The following GLIPR1 variants were observed in gnomAD, a reference collection of about 807,000 sequenced individuals.
GLIPR1 encodes GLI pathogenesis related 1, also known as glioma pathogenesis-related protein 1.
In GLIPR1, 38 loss-of-function variants were observed where a neutral mutation model predicts 30.3. The observed-to-expected ratio is 1.26, with a 90% CI of 0.97 to 1.65. The LOEUF (loss-of-function observed/expected upper bound fraction) is 1.65, where lower values mean the gene tolerates loss of function less well. Ranked by LOEUF, GLIPR1 falls within the 40% of genes most tolerant of loss-of-function variation. The pLI is 0.00. For missense variants in GLIPR1, 285 were observed against 326.5 expected, an observed-to-expected ratio of 0.87 and a Z score of 0.98; for synonymous variants, 122 against 110.6, an observed-to-expected ratio of 1.10 and a Z score of -0.65.
intron 2 of GLIPR1, among the ~76,000 whole-genome samples, chr12:75,485,802 G>A (rs897011861): frequency 6.6e-6 from 1 of 152,014 alleles, no homozygotes; most frequent in Non-Finnish European, 1.5e-5. Flanking sequence ...CGCCCGCCTC[G>A]GCCAGCTTTA....
chr12:75,492,786 T>A (rs1290092485), intron 3 of GLIPR1: 1 of 152,228 alleles, frequency 6.6e-6, no homozygotes, highest in African/African-American at 2.4e-5. Context: ...TCTGTCTTTA[T>A]GAGAGTAATA....
intron 3 of GLIPR1, chr12:75,491,011 C>T (rs573561438): frequency 6.6e-6 from 1 of 152,372 alleles, no homozygotes; most frequent in Non-Finnish European, 1.5e-5. Flanking sequence ...AGGGCAAACA[C>T]CTTCCTCCTA....
intron 2 of GLIPR1, among the ~76,000 whole-genome samples, chr12:75,486,159 C>T (rs2046293173): frequency 6.6e-6 from 1 of 152,032 alleles, no homozygotes; most frequent in South Asian, 2.1e-4. Context: ...AATCTTTTAC[C>T]TACAAAAGGA....
chr12:75,487,371 G>A (rs2046298117), intron 2 of GLIPR1, among the ~76,000 whole-genome samples: 1 of 152,190 alleles, frequency 6.6e-6, no homozygotes, highest in South Asian at 2.1e-4. Flanking sequence ...AAACAAAACT[G>A]ATTAGAAAGT....
At chr12:75,489,845 C>A (rs542982817) in intron 2 of GLIPR1, 1 of 152,602 alleles carries the variant, frequency 6.6e-6, no homozygotes, top group Non-Finnish European at 1.5e-5. Context: ...AAGAACATAG[C>A]ACTCACAAGA....
chr12:75,482,136 T>C (rs2046274250), intron 2 of GLIPR1, 57 bp downstream of exon 2: 48 of 1,486,082 alleles, frequency 3.2e-5, no homozygotes, highest in Non-Finnish European at 4.4e-5. Flanking sequence ...AGGAGAAAAA[T>C]TGTACTATGA....
intron 3 of GLIPR1, chr12:75,491,838 T>G (rs991573015): frequency 6.6e-6 from 1 of 152,200 alleles, no homozygotes; most frequent in Non-Finnish European, 1.5e-5. Flanking sequence ...GCAATATATA[T>G]AATGATCTTT....
Position 75,500,976 on chromosome 12 carries a change from T to G in GLIPR1, c.*1998T>G, listed in dbSNP as rs2120594474. ...ATAGAATGTAGTATTTTTAAAGCTA[T>G]TAACAAGCAATATATTAAAATAATA... is the stretch of plus-strand genomic sequence containing the variant. On this transcript the variant is annotated 3_prime_UTR_variant, in exon 6 of 6. Transcript: ENST00000266659. The G allele has an allele frequency of 6.6e-6, 1 of 152,208 alleles. No homozygotes were observed. Among genetic ancestry groups the G allele is most frequent in the East Asian group, 1.9e-4 (1 of 5,182 alleles). The allele number at this position is 152,208 out of a possible 1,614,324, so 9.4% of individuals were successfully genotyped here.
In GLIPR1 at chr12:75,482,008, T is replaced by C; in HGVS notation, c.349T>C (p.Trp117Arg). The change falls in exon 2 of 6, where the codon TGG (tryptophan) becomes CGG (arginine). Residue 117 changes from tryptophan (W) to arginine (R), a missense_variant. Transcript: ENST00000266659. Reference sequence around the variant, plus strand: ...TTCTGTGTCTTCCGCCATCACAAACTGGTATGACGAAATCCAGGACTATGA... The same window carrying C: ...TTCTGTGTCTTCCGCCATCACAAACCGGTATGACGAAATCCAGGACTATGA... Reference protein sequence around the residue: ...IFSVSSAITNWYDEIQDYDFK... With the variant: ...IFSVSSAITNRYDEIQDYDFK... 3 of 1,614,048 alleles carry C rather than the reference T, an allele frequency of 1.9e-6. No homozygotes were observed. Among genetic ancestry groups the C allele is most frequent in the Non-Finnish European group, 2.5e-6 (3 of 1,179,958 alleles).
intron 2 of GLIPR1, among the ~76,000 whole-genome samples, chr12:75,485,949 G>A (rs988905567): frequency 7.9e-5 from 12 of 152,224 alleles, no homozygotes; most frequent in Middle Eastern, 3.4e-3. Flanking sequence ...AGGGAAAGAT[G>A]GTAGGAAGGG....
rs1334657618 is a variant in GLIPR1 at position 75,501,710 on chromosome 12, T to C, written c.*2732T>C. On this transcript the variant is annotated 3_prime_UTR_variant, in exon 6 of 6. Transcript: ENST00000266659. ...CTAATTAATAAAGACTTTTACATCATAGAAAGCATTACCTTCCTTAGGTTT... is the reference window on the plus strand; with the variant it reads ...CTAATTAATAAAGACTTTTACATCACAGAAAGCATTACCTTCCTTAGGTTT... 2.6e-6 allele frequency: 4 copies of C among 1,538,394 alleles called. No homozygotes were observed. The highest frequency in any genetic ancestry group is 1.8e-5 in the Admixed American group (1 of 55,440).
chr12:75,490,117 A>G (rs1212996005), intron 2 of GLIPR1, among the ~76,000 whole-genome samples: 1 of 151,842 alleles, frequency 6.6e-6, no homozygotes, highest in Non-Finnish European at 1.5e-5. Context: ...AAGTAAAATC[A>G]GCATCACCTT....
intron 3 of GLIPR1, chr12:75,491,000 CAG>C (rs2046320691): frequency 6.6e-6 from 1 of 152,658 alleles, no homozygotes; most frequent in Admixed American, 6.5e-5. Context: ...CTTTGGGAAA[CAG>C]GGCAAACACC....
At chr12:75,482,912 C>T (rs886852093) in intron 2 of GLIPR1, among the ~76,000 whole-genome samples, 5 of 152,182 alleles carry the variant, frequency 3.3e-5, no homozygotes, top group East Asian at 3.9e-4. Flanking sequence ...ACGTACGGTA[C>T]TTAACCTATA....
Position 75,501,936 on chromosome 12 carries a change from A to G in GLIPR1, c.*2958A>G, listed in dbSNP as rs1003764963. ...AAAGTGCCGTACCTTTATTGCTTCC[A>G]TTTTCTGCCGCTTCTTCTGATTTGC... On this transcript the variant is annotated 3_prime_UTR_variant, in exon 6 of 6. Transcript: ENST00000266659. 6.2e-7 allele frequency: 1 copy of G among 1,612,464 alleles called. No homozygotes were observed. Among genetic ancestry groups the G allele is most frequent in the Admixed American group, 1.7e-5 (1 of 59,894 alleles).
chr12:75,483,279 C>T (rs1421545974), intron 2 of GLIPR1, among the ~76,000 whole-genome samples: 1 of 152,188 alleles, frequency 6.6e-6, no homozygotes, highest in Admixed American at 6.5e-5. Flanking sequence ...AGATAGCCTA[C>T]AAGTGGTACT....
At chr12:75,491,341 A>G (rs532686349) in intron 3 of GLIPR1, 2 of 152,338 alleles carry the variant, frequency 1.3e-5, no homozygotes, top group South Asian at 2.1e-4. Context: ...AAAGTTCTAC[A>G]GTTAGTGACT....
intron 4 of GLIPR1, chr12:75,498,319 CA>C (rs2046364284): frequency 6.0e-6 from 1 of 166,030 alleles, no homozygotes; most frequent in East Asian, 1.8e-4. Context: ...TCATCATAAA[CA>C]GTATCATTCT....
intron 3 of GLIPR1, chr12:75,490,894 A>G (rs2120532899): frequency 6.4e-6 from 1 of 155,272 alleles, no homozygotes; most frequent in South Asian, 2.0e-4. Context: ...AAACTTGGCA[A>G]TTTTACACAA....
Sources: allele counts gnomAD v4.1 joint callset (sites outside exome capture counted in the v4.1 genomes callset), GRCh38; gene constraint gnomAD v4.1.1; transcripts MANE v1.5; gene names NCBI Gene and HGNC (gene_info 2026-07-23, HGNC 2026-07-21).